The following SLC4A7 variants were observed in gnomAD, a reference collection of about 807,000 sequenced individuals.
SLC4A7 encodes sodium bicarbonate cotransporter 3.
SLC4A7 carries 51 observed loss-of-function variants against 137.6 expected under a neutral mutation model. The ratio of observed to expected loss-of-function variants is 0.37; its 90% CI spans 0.30 to 0.47. The LOEUF (loss-of-function observed/expected upper bound fraction) is 0.47. Among genes scored for constraint, SLC4A7 ranks in the 20% least tolerant of loss-of-function variants. The pLI is 1.00. For synonymous variants in SLC4A7, 542 were observed against 518.6 expected (o/e 1.05, Z -0.61); for missense variants, 1,247 against 1,525.4 (o/e 0.82, Z 3.04).
intron 13 of SLC4A7, among the ~76,000 whole-genome samples, chr3:27,408,356 T>C (rs556257147): frequency 6.6e-6 from 1 of 152,216 alleles, no homozygotes; most frequent in Non-Finnish European, 1.5e-5. Context: ...CAGAGTGACA[T>C]GCACAATTTG....
At chr3:27,419,572 G>C (rs1334492942) in intron 10 of SLC4A7, among the ~76,000 whole-genome samples, 1 of 151,100 alleles carries the variant, frequency 6.6e-6, no homozygotes, top group African/African-American at 2.4e-5. Flanking sequence ...CCGACCTCAA[G>C]TGATCCACCC....
intron 12 of SLC4A7, among the ~76,000 whole-genome samples, chr3:27,410,677 G>A (rs2053817049): frequency 6.6e-6 from 1 of 152,186 alleles, no homozygotes; most frequent in Admixed American, 6.5e-5. Context: ...GAGATCAGTG[G>A]AGGCCTGACA....
chr3:27,401,349 T>TA (rs2052724504), intron 15 of SLC4A7, among the ~76,000 whole-genome samples: 1 of 152,078 alleles, frequency 6.6e-6, no homozygotes, highest in African/African-American at 2.4e-5. Context: ...AAGAAATAAA[T>TA]AAAAAATAGT....
rs530489866 is a variant in SLC4A7, at chr3:27,374,089, T to C, written c.*2675A>G. On this transcript the variant is annotated 3_prime_UTR_variant, in exon 26 of 26. Coordinates refer to ENST00000454389, the MANE Select transcript of SLC4A7 (RefSeq NM_001321103.2). ...ATCATTGTTTTCTCAAAAGCTGCTA[T>C]TTTAGATTGAAACAGCATTCAGAAA... 5.1e-4 allele frequency: 78 copies of C among 152,660 alleles called. No homozygotes were observed. The highest frequency in any genetic ancestry group is 1.8e-3 in the African/African-American group (75 of 41,572). The allele number at this position is 152,660 out of a possible 1,614,324, so 9.5% of individuals were successfully genotyped here.
intron 3 of SLC4A7, among the ~76,000 whole-genome samples, chr3:27,438,678 TAACAC>T (rs199974688): frequency 1.5e-5 from 2 of 129,142 alleles, no homozygotes; most frequent in African/African-American, 5.8e-5. Context: ...AAAATAAAAA[TAACAC>T]AACATAACAT....
intron 11 of SLC4A7, among the ~76,000 whole-genome samples, chr3:27,415,831 A>G (rs187799929): frequency 5.9e-5 from 9 of 152,352 alleles, no homozygotes; most frequent in African/African-American, 1.9e-4. Flanking sequence ...TGCATTTTCA[A>G]TATGAGATAA....
Position 27,418,639 on chromosome 3 carries a change from G to T in SLC4A7, c.1513-7C>A. On this transcript the variant is annotated splice_polypyrimidine_tract_variant and splice_region_variant and intron_variant, in intron 10 of 25. Coordinates refer to ENST00000454389, the MANE Select transcript of SLC4A7 (RefSeq NM_001321103.2). ...AAGCTACATCATGGAAAATCTAAGT[G>T]AAAAAAATATTGAGTAAAAGATTTT... is the stretch of plus-strand genomic sequence containing the variant. 6.5e-7 allele frequency: 1 copy of T among 1,541,816 alleles called. No individual in the cohort carries two copies. The highest frequency in any genetic ancestry group is 8.8e-7 in the Non-Finnish European group (1 of 1,130,032).
In SLC4A7 at chr3:27,379,263, G is replaced by A; in HGVS notation, c.3684C>T (p.Thr1228=). The change falls in exon 25 of 26, where the codon ACC becomes ACT. Residue 1228 remains threonine (T), a synonymous_variant. Transcript: ENST00000454389. ...LSMNTENAKV[T]RSNMSPDKPV... The stretch of plus-strand genomic sequence containing the variant: ...GTTATAACTACCTCATGTTAGATCT[G>A]GTTACTTTGGCATTCTCAGTATTCA... The A allele has an allele frequency of 6.5e-7, 1 of 1,528,610 alleles. No individual in the cohort carries two copies. The highest frequency in any genetic ancestry group is 1.7e-4 in the Middle Eastern group (1 of 5,976). 94.7% of individuals were successfully genotyped at this position (1,528,610 alleles called of 1,614,324 possible). A position where few individuals can be genotyped will look rare whatever the true frequency, so the allele number is the denominator to read the frequency against.
At chr3:27,439,464 T>C (rs1434847252) in intron 3 of SLC4A7, among the ~76,000 whole-genome samples, 1 of 152,212 alleles carries the variant, frequency 6.6e-6, no homozygotes, top group Non-Finnish European at 1.5e-5. Context: ...ATTTAGGTCT[T>C]GCACAAATCT....
chr3:27,452,603 C>A, intron 1 of SLC4A7, 105 bp from the exon 2 acceptor site: 1 of 587,842 alleles, frequency 1.7e-6, no homozygotes, highest in South Asian at 2.9e-5. Context: ...ACTGCTTTCT[C>A]TCAAATAACT....
At chr3:27,431,752 C>T in intron 6 of SLC4A7, 83 bp from the exon 7 acceptor site, 3 of 1,391,502 alleles carry the variant, frequency 2.2e-6, no homozygotes, top group Non-Finnish European at 2.9e-6. Flanking sequence ...TCAATTTACA[C>T]TATAAATTGC....
At chr3:27,408,741 C>G (rs1010476055) in intron 13 of SLC4A7, among the ~76,000 whole-genome samples, 17 of 152,250 alleles carry the variant, frequency 1.1e-4, no homozygotes, top group African/African-American at 4.1e-4. Flanking sequence ...TAACCAGGAA[C>G]AGGAAAACAT....
intron 1 of SLC4A7, among the ~76,000 whole-genome samples, chr3:27,452,800 T>C (rs1158858354): frequency 6.6e-6 from 1 of 152,148 alleles, no homozygotes; most frequent in Non-Finnish European, 1.5e-5. Flanking sequence ...CCTTCTAGGG[T>C]CAGAGATTAA....
At chr3:27,463,716 T>A (rs2058823335) in intron 1 of SLC4A7, among the ~76,000 whole-genome samples, 1 of 152,098 alleles carries the variant, frequency 6.6e-6, no homozygotes, top group Non-Finnish European at 1.5e-5. Context: ...TGACCCCTCC[T>A]GTTCCCATTT....
In SLC4A7 at chr3:27,391,765, C is replaced by G; in HGVS notation, c.3161G>C (p.Gly1054Ala). ...PVLYGVFLYM[G>A]VSSLKGIQLF... Reference sequence around the variant, plus strand: ...CTGGATTCCTTTTAATGAGGAAACTCCCATATAAAGGAAAACACCATACAG... The same window carrying G: ...CTGGATTCCTTTTAATGAGGAAACTGCCATATAAAGGAAAACACCATACAG... The change falls in exon 21 of 26, where the codon GGA (glycine) becomes GCA (alanine). Residue 1054 changes from glycine to alanine, a missense_variant. Physicochemically the swap from Gly to Ala is moderately conservative, Grantham distance 60 (BLOSUM62 0). This residue lies in a region of SLC4A7 where 290 missense variants were observed against 323.8 expected (regional missense o/e 0.90). Coordinates refer to ENST00000454389, the MANE Select transcript of SLC4A7 (RefSeq NM_001321103.2). 1 of 1,593,402 alleles carries G rather than the reference C, an allele frequency of 6.3e-7. No individual in the cohort carries two copies.
In SLC4A7 at chr3:27,421,548, TG is replaced by T. The variant is rs1181817391; in HGVS notation, c.1424+73del. ...CTTTTATTACATAAATCAACATGCT[TG>T]TTCATTCGCTGGATTAAAAACTTGT... is the stretch of plus-strand genomic sequence containing the variant. On this transcript the variant is annotated intron_variant, in intron 9 of 25. Transcript: ENST00000454389. 1.1e-5 allele frequency: 12 copies of T among 1,125,756 alleles called. No individual in the cohort carries two copies. In the East Asian group the frequency reaches 2.9e-4, roughly 27 times the overall value. 69.7% of individuals were successfully genotyped at this position (1,125,756 alleles called of 1,614,324 possible).
chr3:27,450,952 T>C (rs754319160), intron 2 of SLC4A7, among the ~76,000 whole-genome samples: 3 of 152,078 alleles, frequency 2.0e-5, no homozygotes, highest in Admixed American at 6.6e-5. Context: ...ATCCAGGTTA[T>C]GTATAGGTGA....
intron 1 of SLC4A7, among the ~76,000 whole-genome samples, chr3:27,453,653 C>T (rs906808343): frequency 2.0e-5 from 3 of 152,162 alleles, no homozygotes; most frequent in South Asian, 2.1e-4. Context: ...ATTGTTGCTG[C>T]TATGGAAACC....
chr3:27,396,705 C>A (rs1408973690), intron 18 of SLC4A7, among the ~76,000 whole-genome samples: 2 of 151,860 alleles, frequency 1.3e-5, no homozygotes, highest in Non-Finnish European at 2.9e-5. Context: ...CCCTTTAAAC[C>A]AGCTGCTTCT....
Sources: gnomAD v4.1 joint callset for allele counts (sites outside exome capture counted in the v4.1 genomes callset) on GRCh38, gnomAD v4.1.1 for gene constraint, gnomAD v4.1.1 regional missense constraint, MANE v1.5 for transcripts, NCBI Gene and HGNC (gene_info 2026-07-23, HGNC 2026-07-21) for gene names.